The following ADAMTSL1 variants were observed in gnomAD, a reference collection of about 807,000 sequenced individuals.
ADAMTSL1 encodes the protein ADAMTS like 1.
ADAMTSL1 carries 126 observed loss-of-function variants against 201.8 expected under a neutral mutation model. That is an observed-to-expected ratio of 0.62 (90% confidence interval 0.54 to 0.72). The LOEUF is 0.72. ADAMTSL1 is among the 30% of genes least tolerant of loss of function. The pLI is 0.00. For synonymous variants in ADAMTSL1, 1,121 were observed against 903.4 expected, an observed-to-expected ratio of 1.24 and a Z score of -4.32; for missense variants, 2,679 against 2,277.8, an observed-to-expected ratio of 1.18 and a Z score of -3.59.
At chr9:18,276,650 G>A (rs543466202) in intron 2 of ADAMTSL1, among the ~76,000 whole-genome samples, 1 of 152,340 alleles carries the variant, frequency 6.6e-6, no homozygotes, top group African/African-American at 2.4e-5. Context: ...AGGTCTTCAG[G>A]AAGCTTACAA....
intron 2 of ADAMTSL1, among the ~76,000 whole-genome samples, chr9:18,250,429 G>A (rs1176444193): frequency 6.6e-6 from 1 of 152,162 alleles, no homozygotes; most frequent in Non-Finnish European, 1.5e-5. Context: ...AGATCAATGG[G>A]GAATAAAGAA....
At chr9:18,124,465 T>C (rs1019205819) in intron 1 of ADAMTSL1, among the ~76,000 whole-genome samples, 1 of 152,172 alleles carries the variant, frequency 6.6e-6, no homozygotes, top group Non-Finnish European at 1.5e-5. Context: ...GTTACTTTTT[T>C]ATATATTCTG....
intron 2 of ADAMTSL1, among the ~76,000 whole-genome samples, chr9:18,409,339 C>A (rs369270415): frequency 7.1e-6 from 1 of 141,210 alleles, no homozygotes. Flanking sequence ...ACCAAGATTG[C>A]GCCCCTGCAC....
intron 2 of ADAMTSL1, among the ~76,000 whole-genome samples, chr9:18,448,727 A>G (rs529974543): frequency 4.1e-4 from 62 of 152,314 alleles, no homozygotes; most frequent in Non-Finnish European, 6.5e-4. Flanking sequence ...ATAACGTAGT[A>G]TATTTTATGA....
chr9:18,666,577 T>C (rs1829448981), intron 9 of ADAMTSL1, among the ~76,000 whole-genome samples: 1 of 152,146 alleles, frequency 6.6e-6, no homozygotes, highest in Admixed American at 6.6e-5. Context: ...ACATTTAGGA[T>C]CTAGTAAAAT....
intron 23 of ADAMTSL1, among the ~76,000 whole-genome samples, chr9:18,864,925 G>GGGATGACATGTCAGTACTTA (rs1827414106): frequency 6.6e-6 from 1 of 152,078 alleles, no homozygotes; most frequent in South Asian, 2.1e-4. Flanking sequence ...TCAGTACTTA[G>GGGATGACATGTCAGTACTTA]GGATGTTAGA....
intron 26 of ADAMTSL1, among the ~76,000 whole-genome samples, chr9:18,897,267 T>C (rs1453523141): frequency 1.3e-5 from 2 of 152,106 alleles, no homozygotes; most frequent in African/African-American, 2.4e-5. Flanking sequence ...GTCTCTGCCC[T>C]TGAGTTACTC....
At position 18,588,403 on chromosome 9, in the gene ADAMTSL1, G is replaced by A. The variant is rs188944046; in HGVS notation, c.474+14137G>A. 7.7e-3 allele frequency among the ~76,000 whole-genome samples: 1,163 copies of A among 151,844 alleles called. 14 individuals are homozygous for A. The highest frequency in any genetic ancestry group is 0.027 in the African/African-American group (1,118 of 41,422). ...GGATAGTTTGCAAATCTTTTCTCCC[G>A]TTCTGTAAGTTGGCTTTTCCCTTTT... On this transcript the variant is annotated intron_variant, in intron 4 of 28. Transcript: ENST00000380548.
intron 1 of ADAMTSL1, among the ~76,000 whole-genome samples, chr9:17,997,316 T>TATAATTATAAATTAAA (rs1175786919): frequency 7.2e-5 from 11 of 152,230 alleles, no homozygotes; most frequent in African/African-American, 2.4e-4. Flanking sequence ...GGGTGTTGGT[T>TATAATTATAAATTAAA]ACAATTTTAC....
intron 1 of ADAMTSL1, among the ~76,000 whole-genome samples, chr9:18,157,868 A>G (rs1359865967): frequency 1.3e-5 from 2 of 152,104 alleles, no homozygotes; most frequent in Non-Finnish European, 2.9e-5. Context: ...GTTGGCAGCC[A>G]TTAGCTGTGA....
chr9:18,019,392 C>A (rs1586903794), intron 1 of ADAMTSL1, among the ~76,000 whole-genome samples: 1 of 152,096 alleles, frequency 6.6e-6, no homozygotes. Context: ...ATTTAGAGTA[C>A]TGTCAGAAAA....
At chr9:18,062,346 T>C (rs1822494271) in intron 1 of ADAMTSL1, among the ~76,000 whole-genome samples, 1 of 152,144 alleles carries the variant, frequency 6.6e-6, no homozygotes, top group South Asian at 2.1e-4. Flanking sequence ...TTACTAAACA[T>C]TAAAATAGTT....
At chr9:18,699,696 G>C (rs1047629310) in intron 13 of ADAMTSL1, among the ~76,000 whole-genome samples, 1 of 152,154 alleles carries the variant, frequency 6.6e-6, no homozygotes, top group African/African-American at 2.4e-5. Flanking sequence ...ATTAGACAGG[G>C]ACACTCAATC....
At chr9:18,193,993 TAAC>T (rs1286739618) in intron 2 of ADAMTSL1, among the ~76,000 whole-genome samples, 1 of 152,080 alleles carries the variant, frequency 6.6e-6, no homozygotes, top group Non-Finnish European at 1.5e-5. Context: ...TAGGTAATAA[TAAC>T]AACCATGATG....
intron 2 of ADAMTSL1, among the ~76,000 whole-genome samples, chr9:18,527,741 ATAATAGC>A (rs1819177493): frequency 6.6e-6 from 1 of 152,224 alleles, no homozygotes; most frequent in South Asian, 2.1e-4. Flanking sequence ...TAATTCACAC[ATAATAGC>A]TTGTGATTGA....
intron 3 of ADAMTSL1, among the ~76,000 whole-genome samples, chr9:18,572,127 G>A (rs1166185888): frequency 4.0e-5 from 6 of 151,790 alleles, no homozygotes; most frequent in Non-Finnish European, 8.8e-5. Flanking sequence ...CCCAGGAGGC[G>A]GAGGTTGCAG....
chr9:18,072,808 C>T (rs1288562104), intron 1 of ADAMTSL1, among the ~76,000 whole-genome samples: 2 of 152,198 alleles, frequency 1.3e-5, no homozygotes, highest in East Asian at 3.9e-4. Flanking sequence ...TGGAGTTTTC[C>T]AGTTCATGCT....
At chr9:18,222,773 T>C (rs1191080563) in intron 2 of ADAMTSL1, among the ~76,000 whole-genome samples, 1 of 151,940 alleles carries the variant, frequency 6.6e-6, no homozygotes, top group South Asian at 2.1e-4. Flanking sequence ...CCATAATTGT[T>C]TGCCTGCAAA....
chr9:18,661,624 A>G (rs1187033209), intron 8 of ADAMTSL1, among the ~76,000 whole-genome samples: 2 of 152,180 alleles, frequency 1.3e-5, no homozygotes, highest in Non-Finnish European at 2.9e-5. Flanking sequence ...ATTCTGCATT[A>G]TATTTTTAGA....
Sources: gnomAD v4.1 joint callset for allele counts (sites outside exome capture counted in the v4.1 genomes callset) on GRCh38, gnomAD v4.1.1 for gene constraint, MANE v1.5 for transcripts, NCBI Gene and HGNC (gene_info 2026-07-23, HGNC 2026-07-21) for gene names.